The following SLCO4A1 variants were observed in gnomAD, a reference collection of about 807,000 sequenced individuals.
SLCO4A1 encodes solute carrier organic anion transporter family member 4A1.
In SLCO4A1, 51 loss-of-function variants were observed where a neutral mutation model predicts 64.6. The observed-to-expected ratio is 0.79, with a 90% confidence interval of 0.63 to 1.00. SLCO4A1 has a LOEUF of 1.00. SLCO4A1 is among the 50% of genes least tolerant of loss of function. SLCO4A1 has a pLI of 0.00. For synonymous variants in SLCO4A1, 471 were observed against 444.9 expected (o/e 1.06, Z -0.74); for missense variants, 919 against 980.5 (o/e 0.94, Z 0.84).
At chr20:62,674,512 C>T (rs1201908522), downstream of SLCO4A1, among the ~76,000 whole-genome samples, 2 of 152,316 alleles carry the variant, frequency 1.3e-5, no homozygotes, top group East Asian at 1.9e-4. Context: ...GCGGCACACG[C>T]GGTCTGGCCA....
downstream of SLCO4A1, among the ~76,000 whole-genome samples, chr20:62,690,704 G>A (rs765560429): frequency 2.0e-5 from 3 of 152,208 alleles, no homozygotes; most frequent in Non-Finnish European, 2.9e-5. Flanking sequence ...GCAGAGAACC[G>A]CAATTCAATA....
chr20:62,666,267 G>T (rs1986316786), intron 6 of SLCO4A1, 113 bp from the exon 7 acceptor site: 2 of 847,104 alleles, frequency 2.4e-6, no homozygotes, highest in Non-Finnish European at 3.7e-6. Flanking sequence ...GGCAGGAATT[G>T]ATCCCTCTAT....
chr20:62,671,131 A>G (rs943803364), intron 11 of SLCO4A1, among the ~76,000 whole-genome samples: 21 of 152,222 alleles, frequency 1.4e-4, no homozygotes, highest in Admixed American at 1.2e-3. Flanking sequence ...AGAACTGCCC[A>G]TGATGGTGGC....
downstream of SLCO4A1, among the ~76,000 whole-genome samples, chr20:62,673,919 A>T (rs1473173877): frequency 6.6e-6 from 1 of 152,192 alleles, no homozygotes; most frequent in Admixed American, 6.5e-5. Context: ...GCCATAGCTA[A>T]CCAACACACT....
intron 11 of SLCO4A1, among the ~76,000 whole-genome samples, chr20:62,671,542 G>C (rs1987211401): frequency 1.9e-5 from 2 of 105,962 alleles, no homozygotes; most frequent in Non-Finnish European, 4.3e-5. Flanking sequence ...TAGTCAAAGG[G>C]TGTGTTTCAT....
intron 1 of SLCO4A1, chr20:62,643,211 T>TG (rs1980711596): frequency 2.9e-6 from 1 of 345,802 alleles, no homozygotes; most frequent in African/African-American, 2.2e-5. Context: ...GGCCGTGGCT[T>TG]GGGGGGACCC....
downstream of SLCO4A1, among the ~76,000 whole-genome samples, chr20:62,689,342 T>TGTGCCC (rs1555922076): frequency 8.2e-6 from 1 of 121,576 alleles, no homozygotes. Context: ...CAGGCCTGTC[T>TGTGCCC]CTTGGGCAGA....
chr20:62,668,929 G>A lies in SLCO4A1; in HGVS notation c.1877-1G>A, dbSNP rs1206497886. 2.5e-6 allele frequency: 4 copies of A among 1,602,274 alleles called. No individual in the cohort carries two copies. Among genetic ancestry groups the A allele is most frequent in the Admixed American group, 3.3e-5 (2 of 59,968 alleles). Reference sequence around the variant, plus strand: ...GGTGCTGAGTGGGCTTCTCTCCGCAGGGGGCATCCCGGGGCCCATCGCCTT... The same window carrying A: ...GGTGCTGAGTGGGCTTCTCTCCGCAAGGGGCATCCCGGGGCCCATCGCCTT... On this transcript the variant is annotated splice_acceptor_variant, in intron 10 of 11. Coordinates refer to ENST00000217159, the MANE Select transcript of SLCO4A1 (RefSeq NM_016354.4). LOFTEE classifies it high-confidence loss of function.
At position 62,661,084 on chromosome 20, in the gene SLCO4A1, A is replaced by G. The variant is rs1238995340; in HGVS notation, c.1030A>G (p.Met344Val). ...QLPGSQRYAV[M>V]RAAEMHQLKD... ...TCCAGGCTCCCAGCGCTACGCGGTC[A>G]TGAGAGCGGCGGAAATGCACCAGTT... Residue 344 changes from methionine to valine, a missense_variant, in exon 5 of 12, where the codon ATG becomes GTG. Transcript: ENST00000217159. This position sits in a 1 kb window ranked among gnomAD's most constrained non-coding sequence, Gnocchi z 5.2. 1 of 1,480,954 alleles carries G rather than the reference A, an allele frequency of 6.8e-7. No individual in the cohort carries two copies. The highest frequency in any genetic ancestry group is 1.8e-5 in the Admixed American group (1 of 55,624). The allele number at this position is 1,480,954 out of a possible 1,614,324, so 91.7% of individuals were successfully genotyped here.
intron 7 of SLCO4A1, among the ~76,000 whole-genome samples, chr20:62,667,009 C>G (rs1030817236): frequency 4.6e-5 from 7 of 152,222 alleles, no homozygotes; most frequent in Non-Finnish European, 8.8e-5. Flanking sequence ...CCAAAATACA[C>G]GTAGGTAGCC....
chr20:62,681,513 T>A (rs1280876552), intron 2 of SLCO4A1, among the ~76,000 whole-genome samples: 1 of 110,004 alleles, frequency 9.1e-6, no homozygotes, highest in South Asian at 3.4e-4. Flanking sequence ...TGTGCGCGTG[T>A]TTATTAAGCC....
chr20:62,687,875 G>A (rs1988116570), downstream of SLCO4A1, among the ~76,000 whole-genome samples: 1 of 152,118 alleles, frequency 6.6e-6, no homozygotes, highest in Admixed American at 6.5e-5. Flanking sequence ...TGAGCACATG[G>A]GAGTGCAGGA....
Position 62,667,889 on chromosome 20 carries a change from G to A in SLCO4A1, c.1617G>A (p.Glu539=). The A allele has an allele frequency of 6.2e-7, 1 of 1,613,976 alleles. No individual in the cohort carries two copies. The highest frequency in any genetic ancestry group is 8.5e-7 in the Non-Finnish European group (1 of 1,180,040). The part of the protein sequence containing the change: ...LCHAGCPAAT[E]TNVDGQKVYR... ...ACGCAGGGTGCCCTGCAGCCACGGA[G>A]ACGAATGTGGACGGCCAGAAGGTGA... The change falls in exon 8 of 12, where the codon GAG becomes GAA. Residue 539 remains glutamate (E), a synonymous_variant. Transcript: ENST00000217159.
chr20:62,668,234 C>G (rs1986731793), intron 9 of SLCO4A1, 50 bp downstream of exon 9: 1 of 1,597,758 alleles, frequency 6.3e-7, no homozygotes, highest in Non-Finnish European at 8.6e-7. Flanking sequence ...TTGCAGCACC[C>G]TGAGGCGGAG....
intron 7 of SLCO4A1, among the ~76,000 whole-genome samples, chr20:62,667,167 C>T (rs553884945): frequency 6.6e-5 from 10 of 152,358 alleles, no homozygotes; most frequent in African/African-American, 2.4e-4. Flanking sequence ...ACAACAGAGG[C>T]CCTGCCCACA....
downstream of SLCO4A1, among the ~76,000 whole-genome samples, chr20:62,674,112 G>A (rs377255846): frequency 6.7e-4 from 102 of 152,292 alleles, no homozygotes; most frequent in African/African-American, 2.4e-3. Context: ...CCATTTCGGC[G>A]GATGCCTGCC....
chr20:62,657,207 C>T lies in SLCO4A1; in HGVS notation c.753C>T (p.Tyr251=). The change falls in exon 2 of 12, where the codon TAC becomes TAT. Residue 251 remains tyrosine (Y), a synonymous_variant. Coordinates refer to ENST00000217159, the MANE Select transcript of SLCO4A1 (RefSeq NM_016354.4). The part of the protein sequence containing the change: ...ATPLYTLGVT[Y]LDENVKSSCS... The stretch of plus-strand genomic sequence containing the variant: ...CCCTCTACACGCTGGGCGTCACCTA[C>T]CTGGATGAGAACGTCAAGTCCAGCT... The T allele has an allele frequency of 6.5e-7, 1 of 1,545,174 alleles. No individual in the cohort carries two copies. The highest frequency in any genetic ancestry group is 1.2e-5 in the South Asian group (1 of 84,202).
chr20:62,687,770 TC>T (rs769590918), downstream of SLCO4A1, among the ~76,000 whole-genome samples: 4 of 151,966 alleles, frequency 2.6e-5, no homozygotes, highest in Non-Finnish European at 5.9e-5. Flanking sequence ...GGGCCGCGGG[TC>T]CCATGTCGTC....
intron 4 of SLCO4A1, 33 bp downstream of exon 4, chr20:62,660,566 T>A (rs769633176): frequency 1.1e-5 from 17 of 1,600,382 alleles, no homozygotes; most frequent in Middle Eastern, 1.6e-4. Context: ...AGCCTTCACA[T>A]TGGGAGACTG....
Sources: allele counts gnomAD v4.1 joint callset (sites outside exome capture counted in the v4.1 genomes callset), GRCh38; gene constraint gnomAD v4.1.1; non-coding constraint Gnocchi (gnomAD v3.1); transcripts MANE v1.5; gene names NCBI Gene and HGNC (gene_info 2026-07-23, HGNC 2026-07-21).